Variants in BCL9 observed in about 807,000 individuals in gnomAD.
BCL9 encodes the protein B-cell CLL/lymphoma 9 protein.
BCL9 carries 25 observed loss-of-function variants against 88.5 expected under a neutral mutation model. The observed-to-expected ratio is 0.28, with a 90% CI of 0.21 to 0.39. BCL9 has a LOEUF of 0.39. Among genes scored for constraint, BCL9 ranks in the 10% least tolerant of loss-of-function variants. BCL9 has a pLI of 1.00. For missense variants in BCL9, 1,817 were observed against 1,877.8 expected, an observed-to-expected ratio of 0.97 and a Z score of 0.60; for synonymous variants, 711 against 673.3, an observed-to-expected ratio of 1.06 and a Z score of -0.87.
intron 2 of BCL9, among the ~76,000 whole-genome samples, chr1:147,605,312 C>T (rs1315800174): frequency 6.6e-6 from 1 of 152,116 alleles, no homozygotes; most frequent in East Asian, 1.9e-4. Flanking sequence ...TGACAGTGCC[C>T]TCAGAGAGTT....
intron 1 of BCL9, among the ~76,000 whole-genome samples, chr1:147,586,772 T>C (rs782201454): frequency 2.7e-4 from 41 of 152,160 alleles, no homozygotes; most frequent in Non-Finnish European, 2.5e-4. Context: ...TCTCCACCTG[T>C]AGAAATTTTT....
intron 1 of BCL9, among the ~76,000 whole-genome samples, chr1:147,602,269 C>G (rs1356170315): frequency 2.0e-5 from 3 of 149,530 alleles, no homozygotes; most frequent in African/African-American, 7.4e-5. Flanking sequence ...TGCAGTGGCA[C>G]GATCTCAGCT....
At chr1:147,611,210 C>T (rs1657986299) in intron 3 of BCL9, among the ~76,000 whole-genome samples, 3 of 152,088 alleles carry the variant, frequency 2.0e-5, no homozygotes, top group African/African-American at 7.2e-5. Flanking sequence ...CTAGGGGTTT[C>T]AAAGCATTGT....
rs147562154 is a variant in BCL9, at chr1:147,563,464, C to G, written c.-478+21790C>G. ...TCAGGTAGACATGGGCAACAAGGAC[C>G]TAGATACATGGGGTTAGGACTCAAG... On this transcript the variant is annotated intron_variant, in intron 1 of 9. Coordinates refer to ENST00000234739, the MANE Select transcript of BCL9 (RefSeq NM_004326.4). Among the ~76,000 whole-genome samples the G allele has an allele frequency of 9.9e-4, 150 of 152,264 alleles. 1 individual carries two copies. In the Middle Eastern group the frequency reaches 0.017, roughly 17 times the overall value.
At chr1:147,581,647 T>A (rs1656376988) in intron 1 of BCL9, among the ~76,000 whole-genome samples, 1 of 152,220 alleles carries the variant, frequency 6.6e-6, no homozygotes, top group Non-Finnish European at 1.5e-5. Context: ...ACGTCAGCTC[T>A]TTAATCTCAT....
At chr1:147,586,733 T>G (rs1553199270) in intron 1 of BCL9, among the ~76,000 whole-genome samples, 1 of 152,132 alleles carries the variant, frequency 6.6e-6, no homozygotes, top group Non-Finnish European at 1.5e-5. Flanking sequence ...GCTATGCTGT[T>G]CTTTTACCCT....
chr1:147,544,725 C>T (rs1449656232), intron 1 of BCL9, among the ~76,000 whole-genome samples: 9 of 152,132 alleles, frequency 5.9e-5, no homozygotes, highest in African/African-American at 2.2e-4. Context: ...TATCCTACCC[C>T]TCCCAGTGAG....
chr1:147,623,837 T>C lies in BCL9; in HGVS notation c.3164-5T>C. On this transcript the variant is annotated splice_polypyrimidine_tract_variant and splice_region_variant and intron_variant, in intron 9 of 9. Transcript: ENST00000234739. ...TTGATTCCTTTGATATCTTTATTTTTCTAGGAATGGGCATTAATACACAGA... is the reference window on the plus strand; with the variant it reads ...TTGATTCCTTTGATATCTTTATTTTCCTAGGAATGGGCATTAATACACAGA... 6.3e-7 allele frequency: 1 copy of C among 1,598,240 alleles called. No individual in the cohort carries two copies. The highest frequency in any genetic ancestry group is 8.5e-7 in the Non-Finnish European group (1 of 1,169,664).
chr1:147,550,338 A>G (rs1413403680), intron 1 of BCL9, among the ~76,000 whole-genome samples: 1 of 152,196 alleles, frequency 6.6e-6, no homozygotes, highest in Non-Finnish European at 1.5e-5. Context: ...CACAGCTAAT[A>G]TAAGCCCATT....
intron 1 of BCL9, among the ~76,000 whole-genome samples, chr1:147,554,125 C>T (rs1188817431): frequency 6.6e-6 from 1 of 152,160 alleles, no homozygotes; most frequent in Non-Finnish European, 1.5e-5. Flanking sequence ...AAGAATAATG[C>T]AGAAAATAAT....
chr1:147,601,965 A>G (rs146766980), intron 1 of BCL9, among the ~76,000 whole-genome samples: 2,003 of 152,312 alleles, frequency 0.013, 29 homozygotes, highest in Non-Finnish European at 0.021. Flanking sequence ...CAGTGGTGCA[A>G]TATCGGCTCA....
At chr1:147,551,825 T>C (rs1235222414) in intron 1 of BCL9, among the ~76,000 whole-genome samples, 3 of 152,214 alleles carry the variant, frequency 2.0e-5, no homozygotes, top group Admixed American at 6.5e-5. Context: ...AATGACGCAG[T>C]CTGTGGTATC....
intron 1 of BCL9, among the ~76,000 whole-genome samples, chr1:147,543,409 C>T (rs4950460): frequency 0.48 from 73,744 of 152,058 alleles, 21,243 homozygotes; most frequent in African/African-American, 0.82. Flanking sequence ...CCAGCCCTGG[C>T]TGAGAATATT....
chr1:147,613,247 A>AG, intron 5 of BCL9, 48 bp downstream of exon 5: 1 of 1,598,422 alleles, frequency 6.3e-7, no homozygotes, highest in Middle Eastern at 1.7e-4. Context: ...GGTGTTCCTG[A>AG]GGGAAGGCCT....
At chr1:147,583,909 C>A (rs868930938) in intron 1 of BCL9, among the ~76,000 whole-genome samples, 2 of 151,926 alleles carry the variant, frequency 1.3e-5, no homozygotes, top group Non-Finnish European at 2.9e-5. Flanking sequence ...GCCAAGATTG[C>A]GCCACTGCCC....
chr1:147,623,247 A>G (rs1208061089), intron 9 of BCL9, among the ~76,000 whole-genome samples: 6 of 82,872 alleles, frequency 7.2e-5, no homozygotes, highest in African/African-American at 3.1e-4. Flanking sequence ...CCCCTGCCAC[A>G]CTCGGTGGTA....
At chr1:147,557,824 A>T (rs1655188301) in intron 1 of BCL9, among the ~76,000 whole-genome samples, 1 of 152,212 alleles carries the variant, frequency 6.6e-6, no homozygotes, top group Non-Finnish European at 1.5e-5. Flanking sequence ...ATTATTAATT[A>T]TTTAGAACCT....
chr1:147,550,650 C>A (rs935893771), intron 1 of BCL9, among the ~76,000 whole-genome samples: 3 of 152,124 alleles, frequency 2.0e-5, no homozygotes, highest in South Asian at 2.1e-4. Context: ...TAAATAGAAG[C>A]ATTAAACTCC....
intron 7 of BCL9, 126 bp from the exon 8 acceptor site, chr1:147,618,690 A>C: frequency 1.0e-6 from 1 of 1,003,796 alleles, no homozygotes; most frequent in Non-Finnish European, 1.4e-6. Flanking sequence ...TACGTGAGCA[A>C]TTTCTACAGC....
Sources: allele counts gnomAD v4.1 joint callset (sites outside exome capture counted in the v4.1 genomes callset), GRCh38; gene constraint gnomAD v4.1.1; transcripts MANE v1.5; gene names NCBI Gene and HGNC (gene_info 2026-07-23, HGNC 2026-07-21).